Variants in RPL26L1 observed in about 807,000 individuals in gnomAD.
The protein encoded by RPL26L1 is ribosomal protein uL24-like.
Under a neutral mutation model 15.2 loss-of-function variants are expected in RPL26L1, and 8 were observed. That is an observed-to-expected ratio of 0.53 (90% confidence interval 0.31 to 0.95). The LOEUF is 0.95. Among genes scored for constraint, RPL26L1 ranks in the 40% least tolerant of loss-of-function variants. The pLI is 0.05. For synonymous variants in RPL26L1, 51 were observed against 65.9 expected, an observed-to-expected ratio of 0.77 and a Z score of 1.09; for missense variants, 146 against 190.9, an observed-to-expected ratio of 0.76 and a Z score of 1.39.
upstream of RPL26L1, chr5:172,957,223 C>T (rs931428731): frequency 1.3e-5 from 6 of 456,300 alleles, no homozygotes; most frequent in Admixed American, 1.4e-4. Flanking sequence ...TGAGACAAGA[C>T]AGCCAGTCTC....
upstream of RPL26L1, chr5:172,959,255 C>T: frequency 2.5e-6 from 1 of 400,014 alleles, no homozygotes; most frequent in Non-Finnish European, 3.4e-6. Flanking sequence ...TAAGCCTCTA[C>T]CGCAGGCCCT....
upstream of RPL26L1, chr5:172,958,728 C>G: frequency 4.2e-6 from 1 of 236,638 alleles, no homozygotes; most frequent in South Asian, 4.7e-5. Context: ...TTCCAGGGGT[C>G]GGCGAACGAA....
At chr5:172,959,310 C>G (rs562205625), upstream of RPL26L1, 2 of 971,500 alleles carry the variant, frequency 2.1e-6, no homozygotes, top group African/African-American at 3.5e-5. Context: ...CTCCCGGGGC[C>G]GCCAGGAATG....
chr5:172,963,373 CAA>C (rs56687905), intron 2 of RPL26L1, among the ~76,000 whole-genome samples: 352 of 140,122 alleles, frequency 2.5e-3, no homozygotes, highest in Admixed American at 2.9e-3. Context: ...AACTCGGTCT[CAA>C]AAAAAAAAAA....
At chr5:172,954,394 C>A (rs982730746), upstream of RPL26L1, among the ~76,000 whole-genome samples, 4 of 151,548 alleles carry the variant, frequency 2.6e-5, no homozygotes, top group African/African-American at 9.7e-5. Flanking sequence ...ATGATGAAAC[C>A]CCGTCTCTAT....
chr5:172,960,914 G>C (rs926324398), intron 2 of RPL26L1, among the ~76,000 whole-genome samples: 3 of 111,954 alleles, frequency 2.7e-5, no homozygotes, highest in Non-Finnish European at 5.1e-5. Context: ...GTTGTGGGGG[G>C]TGGGGGGTGG....
upstream of RPL26L1, chr5:172,955,133 T>G (rs1764328969): frequency 4.0e-5 from 8 of 200,976 alleles, no homozygotes; most frequent in South Asian, 2.5e-4. Flanking sequence ...TGGTTAGTTT[T>G]TTTTTTTTTT....
intron 2 of RPL26L1, among the ~76,000 whole-genome samples, chr5:172,967,842 G>A (rs906867303): frequency 6.6e-6 from 1 of 151,170 alleles, no homozygotes; most frequent in Non-Finnish European, 1.5e-5. Context: ...TGACATATAT[G>A]TATGTTACAT....
upstream of RPL26L1, chr5:172,957,250 GACAGC>G (rs1327842107): frequency 2.2e-6 from 1 of 456,312 alleles, no homozygotes. Flanking sequence ...TTGTTAGAAT[GACAGC>G]CTCCAGCTCT....
In RPL26L1 at chr5:172,969,715, T is replaced by A. The variant is rs980622736; in HGVS notation, c.*174T>A. ...TTTTATGAATAAAAATGGGAAATGC[T>A]TCCTAATTCCACATAGTATTTGCAT... On this transcript the variant is annotated 3_prime_UTR_variant, in exon 4 of 4. Transcript: ENST00000265100. The A allele has an allele frequency of 2.0e-5, 11 of 543,884 alleles. No homozygotes were observed. Among genetic ancestry groups the A allele is most frequent in the African/African-American group, 1.9e-4 (10 of 52,130 alleles). The allele number at this position is 543,884 out of a possible 1,614,324, so 33.7% of individuals were successfully genotyped here.
chr5:172,962,999 C>G (rs1755300661), intron 2 of RPL26L1, among the ~76,000 whole-genome samples: 1 of 152,064 alleles, frequency 6.6e-6, no homozygotes, highest in African/African-American at 2.4e-5. Context: ...GAAGGCTTCT[C>G]TGAGGAACTA....
upstream of RPL26L1, chr5:172,959,357 C>T (rs1755123749): frequency 6.0e-6 from 6 of 1,002,210 alleles, no homozygotes; most frequent in Non-Finnish European, 7.2e-6. Context: ...CTGGGGGCGC[C>T]ATTCGACTTC....
At chr5:172,966,079 G>A (rs1304192916) in intron 2 of RPL26L1, among the ~76,000 whole-genome samples, 3 of 151,760 alleles carry the variant, frequency 2.0e-5, no homozygotes, top group Non-Finnish European at 4.4e-5. Flanking sequence ...CCTGTCTCCT[G>A]TCTTCCTCTT....
upstream of RPL26L1, chr5:172,955,111 A>C (rs1341134621): frequency 7.2e-6 from 3 of 418,760 alleles, no homozygotes; most frequent in Non-Finnish European, 1.4e-5. Flanking sequence ...TAGAGTTCAT[A>C]AATAGTAGCT....
At chr5:172,956,469 A>T (rs1314322809), upstream of RPL26L1, among the ~76,000 whole-genome samples, 1 of 152,190 alleles carries the variant, frequency 6.6e-6, no homozygotes, top group East Asian at 1.9e-4. Flanking sequence ...GACAATTCAT[A>T]CTGTTATTTA....
At chr5:172,965,574 C>T (rs1353305699) in intron 2 of RPL26L1, among the ~76,000 whole-genome samples, 1 of 152,194 alleles carries the variant, frequency 6.6e-6, no homozygotes, top group Non-Finnish European at 1.5e-5. Flanking sequence ...TGTTGATGAC[C>T]TTGTTGTCAG....
upstream of RPL26L1, chr5:172,958,492 T>C: frequency 2.2e-6 from 1 of 454,538 alleles, no homozygotes; most frequent in South Asian, 1.6e-5. Context: ...AGAGTTGGAG[T>C]TAATAACACC....
upstream of RPL26L1, chr5:172,956,924 C>T (rs188438867): frequency 3.1e-4 from 83 of 265,314 alleles, no homozygotes; most frequent in African/African-American, 1.7e-3. Context: ...GGCGACAGAG[C>T]GAGACTCTAT....
intron 2 of RPL26L1, among the ~76,000 whole-genome samples, chr5:172,964,258 A>G: frequency 6.9e-6 from 1 of 145,598 alleles, no homozygotes; most frequent in South Asian, 2.2e-4. Context: ...TACAGGCATG[A>G]GCCACAGTGT....
Sources: allele counts gnomAD v4.1 joint callset (sites outside exome capture counted in the v4.1 genomes callset), GRCh38; gene constraint gnomAD v4.1.1; transcripts MANE v1.5; gene names NCBI Gene and HGNC (gene_info 2026-07-23, HGNC 2026-07-21).